Variants in TNNI3K observed in about 807,000 individuals in gnomAD.
TNNI3K encodes serine/threonine-protein kinase TNNI3K.
TNNI3K carries 140 observed loss-of-function variants against 114.5 expected under a neutral mutation model. The ratio of observed to expected loss-of-function variants is 1.22; its 90% CI spans 1.07 to 1.41. The LOEUF is 1.41. TNNI3K is among the 40% of genes most tolerant of loss of function. TNNI3K has a pLI of 0.00. For missense variants in TNNI3K, 1,125 were observed against 1,007.6 expected (o/e 1.12, Z -1.58); for synonymous variants, 347 against 347.5 (o/e 1.00, Z 0.02).
chr1:74,313,941 T>C (rs1214476077), intron 5 of TNNI3K, among the ~76,000 whole-genome samples: 1 of 151,494 alleles, frequency 6.6e-6, no homozygotes, highest in Non-Finnish European at 1.5e-5. Context: ...AGAGTCTAAA[T>C]TTTAACCTCT....
At chr1:74,405,582 A>G (rs1291290856) in intron 17 of TNNI3K, among the ~76,000 whole-genome samples, 1 of 152,204 alleles carries the variant, frequency 6.6e-6, no homozygotes, top group Non-Finnish European at 1.5e-5. Flanking sequence ...AGACTTCATG[A>G]CACAGAGAAA....
intron 2 of TNNI3K, among the ~76,000 whole-genome samples, chr1:74,249,052 T>C (rs1654764810): frequency 6.6e-6 from 1 of 152,120 alleles, no homozygotes; most frequent in Non-Finnish European, 1.5e-5. Flanking sequence ...GATTTCTGAT[T>C]TCCTGATTTA....
chr1:74,524,665 A>G (rs186683403), intron 23 of TNNI3K, among the ~76,000 whole-genome samples: 1 of 50,206 alleles, frequency 2.0e-5, no homozygotes, highest in African/African-American at 3.0e-5. Flanking sequence ...TTCTGGAGAT[A>G]CAGCAGCAAA....
At chr1:74,409,272 C>A (rs982745308) in intron 17 of TNNI3K, among the ~76,000 whole-genome samples, 1 of 152,000 alleles carries the variant, frequency 6.6e-6, no homozygotes, top group South Asian at 2.1e-4. Context: ...AGACAGAGCC[C>A]AAACTCCCCG....
chr1:74,463,364 T>G lies in TNNI3K; in HGVS notation c.2012-77T>G, dbSNP rs45524636. The G allele has an allele frequency of 7.2e-3, 10,645 of 1,478,842 alleles. 47 individuals are homozygous for G. The highest frequency in any genetic ancestry group is 8.1e-3 in the Non-Finnish European group (8,601 of 1,059,240). The allele number at this position is 1,478,842 out of a possible 1,614,324, so 91.6% of individuals were successfully genotyped here. A position where few individuals can be genotyped will look rare whatever the true frequency, so the allele number is the denominator to read the frequency against. On this transcript the variant is annotated intron_variant, in intron 20 of 24. Transcript: ENST00000326637. ...GCTCAGATTGATTTTTAATGCCTTT[T>G]TGTGTGTGTGTGTCTTCATTTGTTG... is the stretch of plus-strand genomic sequence containing the variant.
At chr1:74,457,940 A>G (rs1296867467) in intron 20 of TNNI3K, among the ~76,000 whole-genome samples, 1 of 152,172 alleles carries the variant, frequency 6.6e-6, no homozygotes, top group Non-Finnish European at 1.5e-5. Context: ...TGGTATTCAT[A>G]CCCAAAGAGA....
rs748225919 is a variant in TNNI3K, at chr1:74,271,558, A to C, written c.334-40A>C. ...CTGTTGCACAGCTTTTGAACCTGTT[A>C]TTAGCAGAAAAGTAACACTAAAGAT... is the stretch of plus-strand genomic sequence containing the variant. On this transcript the variant is annotated intron_variant, in intron 4 of 24. Coordinates refer to ENST00000326637, the MANE Select transcript of TNNI3K (RefSeq NM_015978.3). The C allele has an allele frequency of 1.9e-6, 3 of 1,549,646 alleles. No homozygotes were observed. The African/African-American group carries it at 4.1e-5, about 21-fold the overall frequency.
At chr1:74,455,615 T>G (rs1290481414) in intron 20 of TNNI3K, among the ~76,000 whole-genome samples, 1 of 152,222 alleles carries the variant, frequency 6.6e-6, no homozygotes, top group African/African-American at 2.4e-5. Context: ...AAGTCAGTGA[T>G]GTAATTCAGT....
chr1:74,406,612 T>G (rs1664627101), intron 17 of TNNI3K, among the ~76,000 whole-genome samples: 1 of 152,232 alleles, frequency 6.6e-6, no homozygotes, highest in Non-Finnish European at 1.5e-5. Flanking sequence ...ACTACCATGA[T>G]ATTTCACAAT....
intron 5 of TNNI3K, among the ~76,000 whole-genome samples, chr1:74,324,273 T>C (rs1284341410): frequency 6.6e-6 from 1 of 152,172 alleles, no homozygotes; most frequent in East Asian, 1.9e-4. Context: ...ACAAGGAGGG[T>C]CACTCTTTAG....
At chr1:74,353,470 G>C in intron 10 of TNNI3K, 110 bp downstream of exon 10, 1 of 1,173,020 alleles carries the variant, frequency 8.5e-7, no homozygotes, top group Non-Finnish European at 1.2e-6. Context: ...CAGTGGGAAA[G>C]GGTATTTTAT....
chr1:74,481,147 A>G (rs1189035090), intron 21 of TNNI3K, among the ~76,000 whole-genome samples: 2 of 152,216 alleles, frequency 1.3e-5, no homozygotes, highest in African/African-American at 2.4e-5. Flanking sequence ...AGCTGGCTAT[A>G]TATCAAAATG....
intron 4 of TNNI3K, among the ~76,000 whole-genome samples, chr1:74,260,282 G>A (rs531299587): frequency 6.6e-6 from 1 of 152,232 alleles, no homozygotes; most frequent in African/African-American, 2.4e-5. Context: ...TGATTCCTCA[G>A]TATATGTGAC....
intron 11 of TNNI3K, among the ~76,000 whole-genome samples, chr1:74,362,245 T>A (rs1662006879): frequency 6.6e-6 from 1 of 152,160 alleles, no homozygotes; most frequent in Non-Finnish European, 1.5e-5. Flanking sequence ...TATATTAAAA[T>A]ATTGAACAAA....
intron 17 of TNNI3K, among the ~76,000 whole-genome samples, chr1:74,406,478 C>T (rs1664619639): frequency 6.6e-6 from 1 of 152,148 alleles, no homozygotes; most frequent in African/African-American, 2.4e-5. Flanking sequence ...CTGCATTTTA[C>T]AGTCAACAAG....
At position 74,439,483 on chromosome 1, in the gene TNNI3K, T is replaced by C. The variant is rs779819109; in HGVS notation, c.1879-7T>C. 3 of 1,610,132 alleles carry C rather than the reference T, an allele frequency of 1.9e-6. No individual in the cohort carries two copies. Among genetic ancestry groups the C allele is most frequent in the East Asian group, 2.2e-5 (1 of 44,814 alleles). ...TAAATGGCTTGTGGATGTTTCTTGA[T>C]GTGCAGAACCTCCGTTGGATGGCTC... On this transcript the variant is annotated splice_region_variant and splice_polypyrimidine_tract_variant and intron_variant, in intron 19 of 24. Coordinates refer to ENST00000326637, the MANE Select transcript of TNNI3K (RefSeq NM_015978.3).
At chr1:74,290,421 A>C (rs756518165) in intron 5 of TNNI3K, among the ~76,000 whole-genome samples, 2 of 151,752 alleles carry the variant, frequency 1.3e-5, no homozygotes, top group Non-Finnish European at 3.0e-5. Context: ...ACATTTTTGC[A>C]TACCTTTTAA....
At chr1:74,344,662 T>C (rs1365168732) in intron 9 of TNNI3K, among the ~76,000 whole-genome samples, 1 of 152,162 alleles carries the variant, frequency 6.6e-6, no homozygotes. Flanking sequence ...AGTTTTCAAA[T>C]CATTTTGCTA....
Position 74,370,395 on chromosome 1 carries a change from A to T in TNNI3K, c.1772+3A>T. The T allele has an allele frequency of 1.2e-6, 2 of 1,601,900 alleles. No homozygotes were observed. Among genetic ancestry groups the T allele is most frequent in the Non-Finnish European group, 1.7e-6 (2 of 1,173,038 alleles). On this transcript the variant is annotated splice_donor_region_variant and intron_variant, in intron 17 of 24. Coordinates refer to ENST00000326637, the MANE Select transcript of TNNI3K (RefSeq NM_015978.3). ...ATTATACATCGTGACTTGAACAGGTATTTTTTTCCTAAATAATGAACTCAG... is the reference window on the plus strand; with the variant it reads ...ATTATACATCGTGACTTGAACAGGTTTTTTTTTCCTAAATAATGAACTCAG...
Sources: allele counts gnomAD v4.1 joint callset (sites outside exome capture counted in the v4.1 genomes callset), GRCh38; gene constraint gnomAD v4.1.1; transcripts MANE v1.5; gene names NCBI Gene and HGNC (gene_info 2026-07-23, HGNC 2026-07-21).